Variants in CBFA2T3 observed in about 807,000 individuals in gnomAD.
CBFA2T3 encodes transcriptional corepressor CBFA2T3.
Under a neutral mutation model 58.6 loss-of-function variants are expected in CBFA2T3, and 31 were observed. The observed-to-expected ratio is 0.53, with a 90% confidence interval of 0.40 to 0.71. The LOEUF (loss-of-function observed/expected upper bound fraction) is 0.71. Ranked by LOEUF, CBFA2T3 falls within the 30% of genes least tolerant of loss-of-function variation. CBFA2T3 has a pLI of 0.00. For missense variants in CBFA2T3, 1,076 were observed against 963.1 expected (o/e 1.12, Z -1.55); for synonymous variants, 531 against 421.9 (o/e 1.26, Z -3.17).
Position 88,876,583 on chromosome 16 carries a change from G to T in CBFA2T3, c.*393C>A. The T allele has an allele frequency of 3.8e-6, 1 of 262,732 alleles. No individual in the cohort carries two copies. The allele number at this position is 262,732 out of a possible 1,614,324, so 16.3% of individuals were successfully genotyped here. A position where few individuals can be genotyped will look rare whatever the true frequency, so the allele number is the denominator to read the frequency against. ...TTCATTGAAGAGAAAGTGTGTGATAGTCATAGAGAGAGAGAGGATAGAGAA... is the reference window on the plus strand; with the variant it reads ...TTCATTGAAGAGAAAGTGTGTGATATTCATAGAGAGAGAGAGGATAGAGAA... On this transcript the variant is annotated 3_prime_UTR_variant, in exon 12 of 12. Coordinates refer to ENST00000268679, the MANE Select transcript of CBFA2T3 (RefSeq NM_005187.6).
At chr16:88,929,020 CTCCGTTCCTGGAGAG>C (rs1006340880) in intron 1 of CBFA2T3, among the ~76,000 whole-genome samples, 5 of 152,182 alleles carry the variant, frequency 3.3e-5, no homozygotes, top group African/African-American at 1.2e-4. Flanking sequence ...AGGACCTCGG[CTCCGTTCCTGGAGAG>C]CTGTGACTGG....
intron 1 of CBFA2T3, among the ~76,000 whole-genome samples, chr16:88,904,263 C>T (rs1453231018): frequency 1.3e-5 from 2 of 152,110 alleles, no homozygotes; most frequent in African/African-American, 2.4e-5. Flanking sequence ...GACAGAGGCT[C>T]ACTGCAGGAA....
intron 2 of CBFA2T3, among the ~76,000 whole-genome samples, chr16:88,900,051 T>C (rs1459771827): frequency 1.3e-5 from 2 of 152,188 alleles, no homozygotes; most frequent in African/African-American, 4.8e-5. Flanking sequence ...AGCCTCTCAC[T>C]AGAAACCGTG....
At chr16:88,891,768 TCTGG>T in intron 5 of CBFA2T3, 110 bp downstream of exon 5, 2 of 709,360 alleles carry the variant, frequency 2.8e-6, no homozygotes, top group South Asian at 3.3e-5. Context: ...CACCTGCCTA[TCTGG>T]CCACTTAAGC....
In CBFA2T3 at chr16:88,898,134, G is replaced by A. The variant is rs746178109; in HGVS notation, c.323C>T (p.Ala108Val). The change falls in exon 3 of 12, where the codon GCG (alanine) becomes GTG (valine). Residue 108 changes from alanine (A) to valine (V), a missense_variant. By Grantham distance (64) the Ala-to-Val change is moderately conservative. Coordinates refer to ENST00000268679, the MANE Select transcript of CBFA2T3 (RefSeq NM_005187.6). The part of the protein sequence containing the change: ...TPHTHREDGP[A>V]TLPHGRFHGC... ...ATGAAAACGGCCGTGGGGCAGCGTC[G>A]CAGGCCCGTCCTCTCGATCTGTAAG... 14 of 1,612,326 alleles carry A rather than the reference G, an allele frequency of 8.7e-6. No homozygotes were observed. Among genetic ancestry groups the A allele is most frequent in the Middle Eastern group, 1.6e-4 (1 of 6,070 alleles).
intron 8 of CBFA2T3, 127 bp downstream of exon 8, chr16:88,882,549 T>TGTGGCTGTGTGTGGGC: frequency 1.5e-6 from 1 of 658,742 alleles, no homozygotes; most frequent in Non-Finnish European, 2.7e-6. Flanking sequence ...TGTGCATGGG[T>TGTGGCTGTGTGTGGGC]GTGGCTGTGT....
intron 1 of CBFA2T3, among the ~76,000 whole-genome samples, chr16:88,969,369 G>C (rs1567640744): frequency 6.6e-6 from 1 of 152,230 alleles, no homozygotes; most frequent in South Asian, 2.1e-4. Flanking sequence ...CTCCCGGCTG[G>C]TGCCTCCTGG....
At chr16:88,914,370 A>G (rs1282703955) in intron 1 of CBFA2T3, among the ~76,000 whole-genome samples, 7 of 152,212 alleles carry the variant, frequency 4.6e-5, no homozygotes, top group African/African-American at 1.7e-4. Context: ...TGTGGTGCAC[A>G]CTTCTGTGTG....
chr16:88,970,285 A>C (rs1972617226), intron 1 of CBFA2T3, among the ~76,000 whole-genome samples: 1 of 152,156 alleles, frequency 6.6e-6, no homozygotes, highest in Admixed American at 6.5e-5. Flanking sequence ...GTCAGGCAGC[A>C]CCTGCGTGGG....
At chr16:88,916,429 CGT>C (rs924451079) in intron 1 of CBFA2T3, among the ~76,000 whole-genome samples, 23 of 151,832 alleles carry the variant, frequency 1.5e-4, no homozygotes, top group Middle Eastern at 3.4e-3. Flanking sequence ...TGGCTGTGTC[CGT>C]GTGTGTGTGC....
chr16:88,897,979 A>G, intron 3 of CBFA2T3, 99 bp downstream of exon 3: 1 of 861,922 alleles, frequency 1.2e-6, no homozygotes, highest in Non-Finnish European at 2.0e-6. Context: ...GAGGCCGGGG[A>G]GGAGAGCTGA....
At position 88,977,088 on chromosome 16, in the gene CBFA2T3, G is replaced by A. The variant is rs1972882571; in HGVS notation, c.-281C>T. 2.6e-6 allele frequency: 1 copy of A among 383,632 alleles called. No homozygotes were observed. The highest frequency in any genetic ancestry group is 3.8e-5 in the East Asian group (1 of 26,258). The allele number at this position is 383,632 out of a possible 1,614,324, so 23.8% of individuals were successfully genotyped here. On this transcript the variant is annotated 5_prime_UTR_variant, in exon 1 of 12. Coordinates refer to ENST00000268679, the MANE Select transcript of CBFA2T3 (RefSeq NM_005187.6). ...CTCCCTGCAGCCTGCGGGTGAGGCA[G>A]CCAGCTGTGTCCCCGTGATAATGCC...
At chr16:88,882,540 G>T in intron 8 of CBFA2T3, 136 bp downstream of exon 8, 1 of 658,042 alleles carries the variant, frequency 1.5e-6, no homozygotes, top group Non-Finnish European at 2.7e-6. Flanking sequence ...GCATGGCTGT[G>T]TGCATGGGTG....
intron 1 of CBFA2T3, among the ~76,000 whole-genome samples, chr16:88,910,283 GC>G (rs1368097530): frequency 1.1e-4 from 16 of 152,180 alleles, no homozygotes; most frequent in Non-Finnish European, 2.1e-4. Flanking sequence ...AGCCCGCGCG[GC>G]CCTTCACCCT....
chr16:88,959,411 A>C (rs1274991665), intron 1 of CBFA2T3, among the ~76,000 whole-genome samples: 1 of 152,118 alleles, frequency 6.6e-6, no homozygotes, highest in Non-Finnish European at 1.5e-5. Flanking sequence ...CCAGGGCTGG[A>C]GGCACGTGGG....
intron 1 of CBFA2T3, among the ~76,000 whole-genome samples, chr16:88,916,251 C>T (rs530636678): frequency 7.8e-4 from 115 of 148,034 alleles, no homozygotes; most frequent in African/African-American, 2.8e-3. Context: ...TGTGTGTATT[C>T]ATGCGTGTGC....
At chr16:88,969,942 G>C (rs931344473) in intron 1 of CBFA2T3, among the ~76,000 whole-genome samples, 1 of 152,242 alleles carries the variant, frequency 6.6e-6, no homozygotes, top group African/African-American at 2.4e-5. Context: ...GCTGTTGGAG[G>C]CTTCTGCCAT....
At chr16:88,921,402 G>A (rs1001894005) in intron 1 of CBFA2T3, among the ~76,000 whole-genome samples, 9 of 152,238 alleles carry the variant, frequency 5.9e-5, no homozygotes, top group East Asian at 3.9e-4. Flanking sequence ...TGGCAGGATC[G>A]GAAATGTGTC....
intron 1 of CBFA2T3, among the ~76,000 whole-genome samples, chr16:88,912,430 CCTTGGCTCCTACTGGAA>C (rs2142704318): frequency 6.6e-6 from 1 of 152,338 alleles, no homozygotes; most frequent in East Asian, 1.9e-4. Context: ...GGCCTCAGGG[CCTTGGCTCCTACTGGAA>C]TACTTCCCTC....
Sources: allele counts gnomAD v4.1 joint callset (sites outside exome capture counted in the v4.1 genomes callset), GRCh38; gene constraint gnomAD v4.1.1; transcripts MANE v1.5; gene names NCBI Gene and HGNC (gene_info 2026-07-23, HGNC 2026-07-21).